The following SLIT3 variants were observed in gnomAD, a reference collection of about 807,000 sequenced individuals.
SLIT3 encodes slit homolog 3 protein.
SLIT3 carries 68 observed loss-of-function variants against 184.0 expected under a neutral mutation model. That is an observed-to-expected ratio of 0.37 (90% CI 0.30 to 0.45). SLIT3 has a LOEUF of 0.45. Among genes scored for constraint, SLIT3 ranks in the 20% least tolerant of loss-of-function variants. The pLI is 1.00. For missense variants in SLIT3, 1,707 were observed against 2,026.0 expected (o/e 0.84, Z 3.02); for synonymous variants, 831 against 828.6 (o/e 1.00, Z -0.05).
At chr5:168,736,109 T>A (rs1763427931) in intron 20 of SLIT3, among the ~76,000 whole-genome samples, 1 of 152,202 alleles carries the variant, frequency 6.6e-6, no homozygotes, top group Non-Finnish European at 1.5e-5. Flanking sequence ...CTTTCTCCCC[T>A]ACTCTCAGTT....
chr5:169,186,593 G>A (rs911338792), intron 4 of SLIT3, among the ~76,000 whole-genome samples: 2 of 152,148 alleles, frequency 1.3e-5, no homozygotes, highest in Non-Finnish European at 2.9e-5. Flanking sequence ...TCAAACCCAG[G>A]TCTGTCTGGT....
chr5:168,909,621 C>CTTT (rs1761189940), intron 4 of SLIT3, among the ~76,000 whole-genome samples: 1 of 152,150 alleles, frequency 6.6e-6, no homozygotes, highest in African/African-American at 2.4e-5. Flanking sequence ...TACTTGAAGA[C>CTTT]ATTTGAGTGG....
At chr5:169,225,288 G>A (rs1344619585) in intron 3 of SLIT3, among the ~76,000 whole-genome samples, 1 of 152,186 alleles carries the variant, frequency 6.6e-6, no homozygotes, top group African/African-American at 2.4e-5. Context: ...CACTGCAAGT[G>A]GGTGGGAAAA....
intron 4 of SLIT3, among the ~76,000 whole-genome samples, chr5:168,906,575 G>A (rs147380664): frequency 0.014 from 2,083 of 152,252 alleles, 42 homozygotes; most frequent in African/African-American, 0.046. Flanking sequence ...ATCCCAAACC[G>A]TCACAGGGGT....
rs73802491 is a variant in SLIT3, at chr5:169,133,584, C to T, written c.413+59895G>A. 7.8e-3 allele frequency among the ~76,000 whole-genome samples: 1,184 copies of T among 152,250 alleles called. 20 individuals carry two copies. Among genetic ancestry groups the T allele is most frequent in the African/African-American group, 0.027 (1,118 of 41,552 alleles). On this transcript the variant is annotated intron_variant, in intron 4 of 35. Transcript: ENST00000519560. ...TCTCGAGGTGGGAGAAAAATAAAAT[C>T]TTTATAGTAGGAGCTAGATTAAGGG...
intron 4 of SLIT3, among the ~76,000 whole-genome samples, chr5:169,186,485 T>A (rs1173034602): frequency 6.6e-6 from 1 of 152,212 alleles, no homozygotes; most frequent in African/African-American, 2.4e-5. Flanking sequence ...CTGAGCAAGC[T>A]ATTATAGGAG....
chr5:169,104,095 A>C (rs1223323593), intron 4 of SLIT3, among the ~76,000 whole-genome samples: 1 of 152,130 alleles, frequency 6.6e-6, no homozygotes, highest in Non-Finnish European at 1.5e-5. Flanking sequence ...CATGCTTCTC[A>C]CTTAATTCTC....
intron 4 of SLIT3, among the ~76,000 whole-genome samples, chr5:168,981,229 T>A (rs770571663): frequency 2.4e-4 from 36 of 152,196 alleles, no homozygotes; most frequent in Non-Finnish European, 3.7e-4. Flanking sequence ...TTGGACCACG[T>A]GTCAGTTTAT....
intron 3 of SLIT3, among the ~76,000 whole-genome samples, chr5:169,243,172 A>G (rs1489250284): frequency 6.6e-6 from 1 of 152,190 alleles, no homozygotes; most frequent in African/African-American, 2.4e-5. Context: ...TGGCATGTCC[A>G]AGGTACTCAA....
At chr5:169,020,080 G>A (rs1756540975) in intron 4 of SLIT3, among the ~76,000 whole-genome samples, 1 of 152,174 alleles carries the variant, frequency 6.6e-6, no homozygotes, top group South Asian at 2.1e-4. Context: ...CATATCGTCT[G>A]TGGTTACTTT....
At chr5:168,804,035 G>A (rs1327097591) in intron 9 of SLIT3, among the ~76,000 whole-genome samples, 8 of 151,748 alleles carry the variant, frequency 5.3e-5, no homozygotes, top group South Asian at 2.1e-4. Flanking sequence ...GGGCGGGCAC[G>A]GTGGCTCATA....
chr5:169,191,256 A>G (rs776325880), intron 4 of SLIT3, among the ~76,000 whole-genome samples: 23 of 152,222 alleles, frequency 1.5e-4, no homozygotes, highest in African/African-American at 2.7e-4. Context: ...TAACCATTCA[A>G]CCATCACTGA....
chr5:169,047,196 C>T (rs1757656249), intron 4 of SLIT3, among the ~76,000 whole-genome samples: 1 of 152,164 alleles, frequency 6.6e-6, no homozygotes, highest in Non-Finnish European at 1.5e-5. Context: ...CCCTGGTTAA[C>T]CACCTTCTCG....
chr5:169,000,392 CAAAA>C (rs34002967), intron 4 of SLIT3, among the ~76,000 whole-genome samples: 3 of 42,316 alleles, frequency 7.1e-5, no homozygotes, highest in African/African-American at 2.0e-4. Flanking sequence ...AACTCCATCT[CAAAA>C]AAAAAAAAAA....
chr5:169,273,548 A>G (rs1191274418), intron 1 of SLIT3, among the ~76,000 whole-genome samples: 1 of 152,196 alleles, frequency 6.6e-6, no homozygotes, highest in Non-Finnish European at 1.5e-5. Context: ...CACACTGCAG[A>G]CCAACTAAAC....
chr5:169,112,170 G>A (rs528489399), intron 4 of SLIT3, among the ~76,000 whole-genome samples: 49 of 152,322 alleles, frequency 3.2e-4, no homozygotes, highest in South Asian at 3.1e-3. Context: ...AGGCTCAATG[G>A]GGGCAGGAGA....
intron 10 of SLIT3, 60 bp downstream of exon 10, chr5:168,795,447 T>A: frequency 7.2e-7 from 1 of 1,381,352 alleles, no homozygotes; most frequent in Non-Finnish European, 1.0e-6. Context: ...CCACTACACA[T>A]TGCAAACAAC....
In SLIT3 at chr5:169,300,771, A is replaced by G; in HGVS notation, c.-62T>C. On this transcript the variant is annotated 5_prime_UTR_variant, in exon 1 of 36. Transcript: ENST00000519560. This position sits in a 1 kb window ranked among gnomAD's most constrained non-coding sequence, Gnocchi z 4.1. The stretch of plus-strand genomic sequence containing the variant: ...TGCGGGGCAAGACGCGTGGAGCCCG[A>G]GGAGGCGCGCGGGGAGCGCGGGCGG... 1 of 1,251,356 alleles carries G rather than the reference A, an allele frequency of 8.0e-7. No individual in the cohort carries two copies. The highest frequency in any genetic ancestry group is 1.0e-6 in the Non-Finnish European group (1 of 1,000,422). 77.5% of individuals were successfully genotyped at this position (1,251,356 alleles called of 1,614,324 possible).
chr5:168,806,595 G>C lies in SLIT3; in HGVS notation c.794-8C>G, dbSNP rs769889260. 14 of 1,613,970 alleles carry C rather than the reference G, an allele frequency of 8.7e-6. No homozygotes were observed. The East Asian group carries it at 3.1e-4, about 36-fold the overall frequency. On this transcript the variant is annotated splice_polypyrimidine_tract_variant and splice_region_variant and intron_variant, in intron 8 of 35. Transcript: ENST00000519560. ...GGGGCTCCGAGTGGGGGGCTGTGGAGCCAAGACACAACGGTCAACTTATGT... is the reference window on the plus strand; with the variant it reads ...GGGGCTCCGAGTGGGGGGCTGTGGACCCAAGACACAACGGTCAACTTATGT...
Sources: allele counts gnomAD v4.1 joint callset (sites outside exome capture counted in the v4.1 genomes callset), GRCh38; gene constraint gnomAD v4.1.1; non-coding constraint Gnocchi (gnomAD v3.1); transcripts MANE v1.5; gene names NCBI Gene and HGNC (gene_info 2026-07-23, HGNC 2026-07-21).